The following RBMS3 variants were observed in gnomAD, a reference collection of about 807,000 sequenced individuals.
RBMS3 encodes the protein RNA-binding motif, single-stranded-interacting protein 3.
A neutral mutation model predicts 66.8 loss-of-function variants in RBMS3; 27 were observed. The ratio of observed to expected loss-of-function variants is 0.40; its 90% confidence interval spans 0.30 to 0.56. RBMS3 has a LOEUF of 0.56. Ranked by LOEUF, RBMS3 falls within the 20% of genes least tolerant of loss-of-function variation. The pLI is 0.40. For synonymous variants in RBMS3, 188 were observed against 183.0 expected (o/e 1.03, Z -0.22); for missense variants, 513 against 549.5 (o/e 0.93, Z 0.66).
chr3:29,673,069 A>G (rs1450444643), intron 4 of RBMS3, among the ~76,000 whole-genome samples: 1 of 152,238 alleles, frequency 6.6e-6, no homozygotes, highest in Non-Finnish European at 1.5e-5. Context: ...CCACAGTGAA[A>G]TCAAATTAGA....
At chr3:29,942,623 G>A (rs1281748293) in intron 11 of RBMS3, among the ~76,000 whole-genome samples, 1 of 151,786 alleles carries the variant, frequency 6.6e-6, no homozygotes, top group Non-Finnish European at 1.5e-5. Flanking sequence ...TAAGGCTAAA[G>A]AGAAATATAA....
At chr3:29,462,931 A>G (rs564450421) in intron 2 of RBMS3, among the ~76,000 whole-genome samples, 1 of 152,382 alleles carries the variant, frequency 6.6e-6, no homozygotes, top group South Asian at 2.1e-4. Flanking sequence ...TATTAAATGT[A>G]TATGACTAGT....
chr3:29,300,065 AAT>A (rs2033567311), intron 1 of RBMS3, among the ~76,000 whole-genome samples: 1 of 152,002 alleles, frequency 6.6e-6, no homozygotes, highest in African/African-American at 2.4e-5. Context: ...AGCACTCAAA[AAT>A]ATATGTCACT....
chr3:29,954,541 A>G (rs1323336664), intron 12 of RBMS3, among the ~76,000 whole-genome samples: 1 of 151,966 alleles, frequency 6.6e-6, no homozygotes, highest in Non-Finnish European at 1.5e-5. Flanking sequence ...TGGGGTGAGA[A>G]CCATATGATT....
chr3:29,698,747 T>C, intron 4 of RBMS3: 1 of 422,078 alleles, frequency 2.4e-6, no homozygotes, highest in African/African-American at 2.2e-5. Flanking sequence ...GAGGACACTT[T>C]ACATAATTTA....
chr3:29,867,925 A>G (rs748924764), intron 6 of RBMS3, among the ~76,000 whole-genome samples: 176 of 152,064 alleles, frequency 1.2e-3, no homozygotes, highest in Admixed American at 2.4e-3. Context: ...TAAGAAATTA[A>G]CCTTCCCAGC....
At chr3:29,579,152 T>G (rs1012074832) in intron 3 of RBMS3, among the ~76,000 whole-genome samples, 1 of 152,218 alleles carries the variant, frequency 6.6e-6, no homozygotes, top group Non-Finnish European at 1.5e-5. Context: ...ACTTTTCTTC[T>G]TTTCTGCTCT....
chr3:29,815,030 C>T (rs116269627), intron 6 of RBMS3, among the ~76,000 whole-genome samples: 2 of 152,258 alleles, frequency 1.3e-5, no homozygotes, highest in African/African-American at 4.8e-5. Context: ...AGGAGGGGAA[C>T]AACACCACTG....
intron 4 of RBMS3, among the ~76,000 whole-genome samples, chr3:29,697,503 GTTTAT>G (rs1391909213): frequency 6.6e-6 from 1 of 152,216 alleles, no homozygotes. Context: ...ACTGACAGGA[GTTTAT>G]TTTAATCTAA....
At chr3:29,411,039 G>A (rs1259698767) in intron 1 of RBMS3, among the ~76,000 whole-genome samples, 4 of 151,502 alleles carry the variant, frequency 2.6e-5, no homozygotes. Flanking sequence ...TTTTTCTGGT[G>A]GTTTTTTGAG....
At chr3:29,677,341 C>T (rs1386463606) in intron 4 of RBMS3, among the ~76,000 whole-genome samples, 11 of 152,120 alleles carry the variant, frequency 7.2e-5, no homozygotes, top group African/African-American at 7.2e-5. Context: ...ACTATCTGAT[C>T]GCTAACAAGC....
At chr3:29,353,603 A>G (rs535527534) in intron 1 of RBMS3, among the ~76,000 whole-genome samples, 53 of 152,094 alleles carry the variant, frequency 3.5e-4, no homozygotes, top group Admixed American at 6.6e-4. Flanking sequence ...ATTATTCATC[A>G]TGGAATCTCT....
chr3:29,727,600 TA>T, intron 4 of RBMS3, among the ~76,000 whole-genome samples: 2 of 151,974 alleles, frequency 1.3e-5, no homozygotes, highest in Admixed American at 6.6e-5. Flanking sequence ...CAACAAATAT[TA>T]AAAAAAGGTC....
chr3:29,519,856 T>C (rs1410922805), intron 3 of RBMS3, among the ~76,000 whole-genome samples: 1 of 152,172 alleles, frequency 6.6e-6, no homozygotes, highest in Non-Finnish European at 1.5e-5. Flanking sequence ...CTGTGATTTA[T>C]TGAGTCTGTG....
intron 3 of RBMS3, among the ~76,000 whole-genome samples, chr3:29,575,283 G>GTT (rs746440704): frequency 1.1e-4 from 16 of 145,622 alleles, no homozygotes; most frequent in African/African-American, 7.5e-5. Context: ...AAGGGTAAAA[G>GTT]TTTTTTTTTT....
chr3:29,478,978 T>C (rs2043042382), intron 2 of RBMS3, among the ~76,000 whole-genome samples: 1 of 152,208 alleles, frequency 6.6e-6, no homozygotes, highest in Admixed American at 6.5e-5. Flanking sequence ...TTACACATGT[T>C]TTTTTGTGGC....
intron 1 of RBMS3, among the ~76,000 whole-genome samples, chr3:29,329,055 C>G (rs762948445): frequency 6.6e-6 from 1 of 152,078 alleles, no homozygotes. Context: ...AGTATTGTTT[C>G]TTTACTCCGA....
chr3:29,675,929 A>G (rs1345793023), intron 4 of RBMS3, among the ~76,000 whole-genome samples: 1 of 152,156 alleles, frequency 6.6e-6, no homozygotes, highest in East Asian at 1.9e-4. Context: ...TACTGGGTAT[A>G]CTCCCAAAGG....
At chr3:29,475,966 T>G (rs905353957) in intron 2 of RBMS3, among the ~76,000 whole-genome samples, 1 of 152,200 alleles carries the variant, frequency 6.6e-6, no homozygotes, top group African/African-American at 2.4e-5. Context: ...GCATTTTTCC[T>G]TCAGCCCATG....
Sources: gnomAD v4.1 joint callset for allele counts (sites outside exome capture counted in the v4.1 genomes callset) on GRCh38, gnomAD v4.1.1 for gene constraint, MANE v1.5 for transcripts, NCBI Gene and HGNC (gene_info 2026-07-23, HGNC 2026-07-21) for gene names.